The following R3HDM2 variants were observed in gnomAD, a reference collection of about 807,000 sequenced individuals.
R3HDM2 encodes R3H domain-containing protein 2.
R3HDM2 carries 38 observed loss-of-function variants against 124.5 expected under a neutral mutation model. The observed-to-expected ratio is 0.31, with a 90% confidence interval of 0.24 to 0.40. The LOEUF is 0.40. R3HDM2 is among the 10% of genes least tolerant of loss of function. The pLI, the probability that R3HDM2 is intolerant of heterozygous loss-of-function variation, is 1.00. For synonymous variants in R3HDM2, 391 were observed against 448.0 expected, an observed-to-expected ratio of 0.87 and a Z score of 1.61; for missense variants, 869 against 1,236.9, an observed-to-expected ratio of 0.70 and a Z score of 4.46.
At chr12:57,418,132 T>C (rs1330736772) in intron 1 of R3HDM2, 1 of 983,306 alleles carries the variant, frequency 1.0e-6, no homozygotes. Context: ...ATCCCAAACC[T>C]ACCCTTTTCT....
intron 10 of R3HDM2, 36 bp from the exon 11 acceptor site, chr12:57,292,703 T>C: frequency 7.2e-7 from 1 of 1,389,078 alleles, no homozygotes; most frequent in Non-Finnish European, 9.9e-7. Context: ...AGTTAAGTTC[T>C]CCTCGTACTG....
At chr12:57,303,580 C>T in intron 3 of R3HDM2, among the ~76,000 whole-genome samples, 1 of 94,700 alleles carries the variant, frequency 1.1e-5, no homozygotes, top group African/African-American at 3.9e-5. Context: ...CCCATCTCTA[C>T]AAAAAAAAAA....
At chr12:57,402,798 C>T (rs2068157830) in intron 1 of R3HDM2, among the ~76,000 whole-genome samples, 1 of 152,042 alleles carries the variant, frequency 6.6e-6, no homozygotes, top group South Asian at 2.1e-4. Context: ...CTCAAGTGAT[C>T]CACCTGCCTT....
At chr12:57,273,221 C>G (rs1290127116) in intron 14 of R3HDM2, among the ~76,000 whole-genome samples, 1 of 152,152 alleles carries the variant, frequency 6.6e-6, no homozygotes, top group Non-Finnish European at 1.5e-5. Context: ...TCCACCTCCA[C>G]CCCCCAAGCA....
At chr12:57,328,277 C>T (rs571585479) in intron 2 of R3HDM2, among the ~76,000 whole-genome samples, 2 of 151,732 alleles carry the variant, frequency 1.3e-5, no homozygotes, top group African/African-American at 4.8e-5. Flanking sequence ...GCCCAGGCTG[C>T]TCTCGAACTA....
intron 3 of R3HDM2, among the ~76,000 whole-genome samples, chr12:57,307,632 T>C (rs996612870): frequency 6.7e-6 from 1 of 149,676 alleles, no homozygotes; most frequent in Non-Finnish European, 1.5e-5. Flanking sequence ...TGCTCTTTTT[T>C]TTTTTTTTTT....
chr12:57,295,304 T>A, intron 10 of R3HDM2, 95 bp downstream of exon 10: 1 of 811,208 alleles, frequency 1.2e-6, no homozygotes, highest in Non-Finnish European at 2.0e-6. Context: ...TACTAAGATA[T>A]TTTGAGTTTT....
At position 57,308,601 on chromosome 12, in the gene R3HDM2, G is replaced by A. The variant is rs190059299; in HGVS notation, c.165+1663C>T. ...CTCGGGAGGCTGAGGCAGGAGAATCGCTTGAACCCGGGAGGCGGAGGTTGC... is the reference window on the plus strand; with the variant it reads ...CTCGGGAGGCTGAGGCAGGAGAATCACTTGAACCCGGGAGGCGGAGGTTGC... On this transcript the variant is annotated intron_variant, in intron 3 of 23. Transcript: ENST00000402412. Among the ~76,000 whole-genome samples the A allele has an allele frequency of 1.3e-3, 201 of 152,006 alleles. 1 individual carries two copies. The highest frequency in any genetic ancestry group is 4.2e-3 in the African/African-American group (174 of 41,496).
chr12:57,361,310 G>A (rs903947369), intron 2 of R3HDM2, among the ~76,000 whole-genome samples: 3 of 147,940 alleles, frequency 2.0e-5, no homozygotes, highest in African/African-American at 7.5e-5. Flanking sequence ...GTGAGGAGGA[G>A]GTTGCAGTGA....
chr12:57,383,993 C>G (rs2065294519), intron 2 of R3HDM2, among the ~76,000 whole-genome samples: 1 of 152,056 alleles, frequency 6.6e-6, no homozygotes, highest in African/African-American at 2.4e-5. Context: ...TAGATCAGAC[C>G]ATTGGAAAGG....
At chr12:57,281,426 G>C (rs1373288992) in intron 13 of R3HDM2, among the ~76,000 whole-genome samples, 1 of 152,126 alleles carries the variant, frequency 6.6e-6, no homozygotes, top group Non-Finnish European at 1.5e-5. Flanking sequence ...GCCAAGCACT[G>C]TATAATGAAC....
intron 2 of R3HDM2, among the ~76,000 whole-genome samples, chr12:57,370,940 G>T (rs2063282208): frequency 6.6e-6 from 1 of 152,010 alleles, no homozygotes; most frequent in East Asian, 1.9e-4. Context: ...GATAATAAAA[G>T]AAATCACTGA....
At chr12:57,365,012 C>T (rs898608975) in intron 2 of R3HDM2, among the ~76,000 whole-genome samples, 1 of 149,050 alleles carries the variant, frequency 6.7e-6, no homozygotes, top group Admixed American at 6.8e-5. Context: ...CCTGTAATCC[C>T]AGCACTTCGG....
At chr12:57,319,358 G>A (rs7975026) in intron 2 of R3HDM2, among the ~76,000 whole-genome samples, 56,022 of 151,896 alleles carry the variant, frequency 0.37, 11,743 homozygotes, top group Middle Eastern at 0.75. Flanking sequence ...TTCTACAACC[G>A]TAGTCTTCCA....
rs992819573 is a variant in R3HDM2, at chr12:57,403,457, A to G, written c.-105-7639T>C. On this transcript the variant is annotated intron_variant, in intron 1 of 23. Coordinates refer to ENST00000402412, the MANE Select transcript of R3HDM2 (RefSeq NM_001394031.1). ...TAGTGAGCCGAGATCACACCATTGC[A>G]CTCCAGCCTGGGTGACAAGAGCGAA... Among the ~76,000 whole-genome samples the G allele has an allele frequency of 2.6e-5, 4 of 151,112 alleles. No homozygotes were observed. The East Asian group carries it at 7.8e-4, about 29-fold the overall frequency.
chr12:57,328,804 C>T (rs1463901383), intron 2 of R3HDM2, among the ~76,000 whole-genome samples: 5 of 152,096 alleles, frequency 3.3e-5, no homozygotes, highest in Admixed American at 6.6e-5. Context: ...CGTGAACCAC[C>T]GTGCCTGGCC....
chr12:57,430,767 C>T lies in R3HDM2; in HGVS notation c.-153G>A. ...GGGCGCCCACGTCTCCGCCCGCCGCCCGGGCCCACGGCCGCTCGGCTGCGG... is the reference window on the plus strand; with the variant it reads ...GGGCGCCCACGTCTCCGCCCGCCGCTCGGGCCCACGGCCGCTCGGCTGCGG... On this transcript the variant is annotated 5_prime_UTR_variant, in exon 1 of 24. Coordinates refer to ENST00000402412, the MANE Select transcript of R3HDM2 (RefSeq NM_001394031.1). The T allele has an allele frequency of 5.8e-6, 1 of 173,676 alleles. No individual in the cohort carries two copies. Among genetic ancestry groups the T allele is most frequent in the Non-Finnish European group, 1.1e-5 (1 of 89,438 alleles). 10.8% of individuals were successfully genotyped at this position (173,676 alleles called of 1,614,324 possible). A position where few individuals can be genotyped will look rare whatever the true frequency, so the allele number is the denominator to read the frequency against.
chr12:57,357,770 T>A (rs1008140294), intron 2 of R3HDM2, among the ~76,000 whole-genome samples: 1 of 151,892 alleles, frequency 6.6e-6, no homozygotes, highest in Non-Finnish European at 1.5e-5. Context: ...GATTTTAGAT[T>A]TTTCTGCTTC....
chr12:57,361,048 C>CAAAAAAAAAAAAAAAAAAAAA (rs35437591), intron 2 of R3HDM2, among the ~76,000 whole-genome samples: 1 of 60,060 alleles, frequency 1.7e-5, no homozygotes, highest in Non-Finnish European at 2.8e-5. Flanking sequence ...AGACACGTCT[C>CAAAAAAAAAAAAAAAAAAAAA]AAAAAAAAAA....
Sources: allele counts gnomAD v4.1 joint callset (sites outside exome capture counted in the v4.1 genomes callset), GRCh38; gene constraint gnomAD v4.1.1; transcripts MANE v1.5; gene names NCBI Gene and HGNC (gene_info 2026-07-23, HGNC 2026-07-21).